Variants in ZNF541 observed in about 807,000 individuals in gnomAD.
ZNF541 encodes zinc finger protein 541.
Under a neutral mutation model 123.5 loss-of-function variants are expected in ZNF541, and 23 were observed. The observed-to-expected ratio is 0.19, with a 90% CI of 0.13 to 0.26. The LOEUF (loss-of-function observed/expected upper bound fraction) is 0.26, where lower values mean the gene tolerates loss of function less well. ZNF541 is among the 10% of genes least tolerant of loss of function. The pLI, the probability that ZNF541 is intolerant of heterozygous loss-of-function variation, is 1.00. For synonymous variants in ZNF541, 751 were observed against 754.5 expected (o/e 1.00, Z 0.08); for missense variants, 1,612 against 1,789.9 (o/e 0.90, Z 1.79).
At chr19:47,555,517 T>C in intron 3 of ZNF541, 33 bp downstream of exon 3, 2 of 1,499,840 alleles carry the variant, frequency 1.3e-6, no homozygotes, top group South Asian at 2.6e-5. Context: ...TCGAACATCC[T>C]GCAGGGCCCT....
intron 9 of ZNF541, among the ~76,000 whole-genome samples, chr19:47,534,792 C>G (rs1364976475): frequency 6.6e-6 from 1 of 152,244 alleles, no homozygotes. Flanking sequence ...CGTTTATGGT[C>G]AATTGATTTC....
intron 2 of ZNF541, among the ~76,000 whole-genome samples, chr19:47,567,246 G>A (rs373219306): frequency 2.0e-5 from 3 of 151,726 alleles, no homozygotes; most frequent in Admixed American, 2.0e-4. Flanking sequence ...TTTAAGTTTA[G>A]TTAAATTTAT....
chr19:47,544,942 C>G lies in ZNF541; in HGVS notation c.1587G>C (p.Gly529=). Reference sequence around the variant, plus strand: ...AGAGCGGCGAGGCATCCGCAGGGAGCCCGCCTGCCTTCTGGGCCTCCTGGA... The same window carrying G: ...AGAGCGGCGAGGCATCCGCAGGGAGGCCGCCTGCCTTCTGGGCCTCCTGGA... ...PGLQEAQKAG[G]LPADASPLFR... Residue 529 remains glycine, a synonymous_variant, in exon 5 of 17, where the codon GGG becomes GGC. Coordinates refer to ENST00000391901, the MANE Select transcript of ZNF541 (RefSeq NM_001277075.3). 1 of 1,535,260 alleles carries G rather than the reference C, an allele frequency of 6.5e-7. No individual in the cohort carries two copies. The highest frequency in any genetic ancestry group is 2.4e-5 in the East Asian group (1 of 40,856).
chr19:47,537,916 A>G (rs1194555101), intron 9 of ZNF541, among the ~76,000 whole-genome samples: 1 of 152,128 alleles, frequency 6.6e-6, no homozygotes, highest in African/African-American at 2.4e-5. Flanking sequence ...AGGCAGAAGC[A>G]TGGTCAGGCT....
chr19:47,545,057 G>A lies in ZNF541; in HGVS notation c.1472C>T (p.Ser491Leu). 6.8e-7 allele frequency: 1 copy of A among 1,477,812 alleles called. No homozygotes were observed. Among genetic ancestry groups the A allele is most frequent in the South Asian group, 1.3e-5 (1 of 76,264 alleles). The allele number at this position is 1,477,812 out of a possible 1,614,324, so 91.5% of individuals were successfully genotyped here. Residue 491 changes from serine (S) to leucine (L), a missense_variant, in exon 5 of 17, where the codon TCG (serine) becomes TTG (leucine). By Grantham distance (145) the Ser-to-Leu change is moderately radical. Transcript: ENST00000391901. This position sits in a 1 kb window ranked among gnomAD's most constrained non-coding sequence, Gnocchi z 7.5. The part of the protein sequence containing the change: ...VPAEAPSDPR[S>L]ASGEDDPCAP... ...GCAGGGGTCATCTTCCCCGCTGGCC[G>A]ACCTGGGGTCGCTCGGGGCCTCCGC...
At chr19:47,567,038 G>A (rs1462248253) in intron 2 of ZNF541, among the ~76,000 whole-genome samples, 3 of 151,456 alleles carry the variant, frequency 2.0e-5, no homozygotes, top group Non-Finnish European at 2.9e-5. Flanking sequence ...GCCACAGAGC[G>A]AGACTCCATC....
At chr19:47,569,515 G>A (rs931820243) in intron 2 of ZNF541, among the ~76,000 whole-genome samples, 2 of 152,012 alleles carry the variant, frequency 1.3e-5, no homozygotes, top group African/African-American at 4.8e-5. Context: ...TCACACACTT[G>A]AGACTGGGAC....
intron 7 of ZNF541, 62 bp downstream of exon 7, chr19:47,540,114 T>TAGTA (rs1425876968): frequency 6.6e-7 from 1 of 1,504,300 alleles, no homozygotes; most frequent in Non-Finnish European, 8.9e-7. Context: ...CCAATCTCGT[T>TAGTA]TACTCCCCAC....
At chr19:47,532,400 G>T (rs1969616259) in intron 10 of ZNF541, 130 bp from the exon 11 acceptor site, 1 of 1,036,190 alleles carries the variant, frequency 9.7e-7, no homozygotes, top group Non-Finnish European at 1.4e-6. Flanking sequence ...GCTGTCTCAG[G>T]TGCATCAGGT....
intron 3 of ZNF541, among the ~76,000 whole-genome samples, chr19:47,552,607 G>A (rs1970644198): frequency 6.6e-6 from 1 of 151,470 alleles, no homozygotes; most frequent in Admixed American, 6.6e-5. Flanking sequence ...GCTGGGGGCA[G>A]TGGCGGGCGC....
In ZNF541 at chr19:47,545,957, T is replaced by C; in HGVS notation, c.572A>G (p.Gln191Arg). ...DHLTGHMLTH[Q>R]KTKPFVCIEQ... ...GATGCACACGAAGGGCTTTGTCTTC[T>C]GGTGGGTGAGCATGTGCCCGGTCCT... Residue 191 changes from glutamine (Q) to arginine (R), a missense_variant, in exon 5 of 17, where the codon CAG becomes CGG. By Grantham distance (43) the Gln-to-Arg change is conservative. Coordinates refer to ENST00000391901, the MANE Select transcript of ZNF541 (RefSeq NM_001277075.3). This position sits in a 1 kb window ranked among gnomAD's most constrained non-coding sequence, Gnocchi z 7.5. 1 of 1,491,722 alleles carries C rather than the reference T, an allele frequency of 6.7e-7. No homozygotes were observed. Among genetic ancestry groups the C allele is most frequent in the Non-Finnish European group, 9.0e-7 (1 of 1,113,140 alleles). 92.4% of individuals were successfully genotyped at this position (1,491,722 alleles called of 1,614,324 possible).
At chr19:47,556,994 A>G (rs1365789627) in intron 2 of ZNF541, among the ~76,000 whole-genome samples, 1 of 151,776 alleles carries the variant, frequency 6.6e-6, no homozygotes, top group African/African-American at 2.4e-5. Flanking sequence ...CTGACCTCAG[A>G]TGATCCACCT....
chr19:47,555,889 A>G lies in ZNF541; in HGVS notation c.-33T>C, dbSNP rs1970803309. 2 of 1,523,334 alleles carry G rather than the reference A, an allele frequency of 1.3e-6. No individual in the cohort carries two copies. The highest frequency in any genetic ancestry group is 1.2e-5 in the South Asian group (1 of 80,208). 94.4% of individuals were successfully genotyped at this position (1,523,334 alleles called of 1,614,324 possible). On this transcript the variant is annotated 5_prime_UTR_variant, in exon 3 of 17. Coordinates refer to ENST00000391901, the MANE Select transcript of ZNF541 (RefSeq NM_001277075.3). ...CACTGCCAGGTCTTGGCCAAAAGCT[A>G]CTCTCCAGATAAGCAAAACCATGTA...
chr19:47,553,714 AT>A (rs1257975151), intron 3 of ZNF541, among the ~76,000 whole-genome samples: 3 of 151,982 alleles, frequency 2.0e-5, no homozygotes, highest in Non-Finnish European at 4.4e-5. Flanking sequence ...AAATTATTGT[AT>A]TTTTAGTAGA....
intron 2 of ZNF541, among the ~76,000 whole-genome samples, chr19:47,569,601 G>A (rs190601172): frequency 1.3e-5 from 2 of 152,154 alleles, no homozygotes; most frequent in Admixed American, 6.6e-5. Flanking sequence ...GGTCATTCTC[G>A]CCTGTAATCC....
At chr19:47,562,440 A>C (rs1158839103) in intron 2 of ZNF541, among the ~76,000 whole-genome samples, 1 of 151,462 alleles carries the variant, frequency 6.6e-6, no homozygotes, top group Admixed American at 6.6e-5. Context: ...GCTACTCAGG[A>C]AGCTGAGGCA....
intron 2 of ZNF541, among the ~76,000 whole-genome samples, chr19:47,563,550 G>C (rs12975411): frequency 0.12 from 17,916 of 152,072 alleles, 1,202 homozygotes; most frequent in East Asian, 0.22. Flanking sequence ...ACCACTCTAT[G>C]AGGGGAAAAA....
Position 47,532,956 on chromosome 19 carries a change from G to C in ZNF541, c.3111C>G (p.Ser1037=). The part of the protein sequence containing the change: ...ISSMLDQVDG[S]FGICVVKDDT... ...CATCCTTCACCACACAGATGCCAAAGGACCCATCCACTTGATCTAGAAAGC... is the reference window on the plus strand; with the variant it reads ...CATCCTTCACCACACAGATGCCAAACGACCCATCCACTTGATCTAGAAAGC... The change falls in exon 10 of 17, where the codon TCC becomes TCG. Residue 1037 remains serine, a synonymous_variant. Coordinates refer to ENST00000391901, the MANE Select transcript of ZNF541 (RefSeq NM_001277075.3). 6.5e-7 allele frequency: 1 copy of C among 1,549,408 alleles called. No homozygotes were observed. The highest frequency in any genetic ancestry group is 8.7e-7 in the Non-Finnish European group (1 of 1,145,788).
chr19:47,543,062 C>G (rs1257925225), intron 5 of ZNF541, among the ~76,000 whole-genome samples: 1 of 152,006 alleles, frequency 6.6e-6, no homozygotes, highest in African/African-American at 2.4e-5. Context: ...ATTGCTTGAG[C>G]CCAGGGGTTC....
Sources: allele counts gnomAD v4.1 joint callset (sites outside exome capture counted in the v4.1 genomes callset), GRCh38; gene constraint gnomAD v4.1.1; non-coding constraint Gnocchi (gnomAD v3.1); transcripts MANE v1.5; gene names NCBI Gene and HGNC (gene_info 2026-07-23, HGNC 2026-07-21).